KIFAP3: variants seen among roughly 807,000 people sequenced by gnomAD.
KIFAP3 encodes kinesin-associated protein 3.
KIFAP3 carries 68 observed loss-of-function variants against 106.5 expected under a neutral mutation model. The observed-to-expected ratio is 0.64, with a 90% CI of 0.53 to 0.78. KIFAP3 has a LOEUF of 0.78. Among genes scored for constraint, KIFAP3 ranks in the 30% least tolerant of loss-of-function variants. The pLI is 0.00. For missense variants in KIFAP3, 780 were observed against 941.8 expected (o/e 0.83, Z 2.25); for synonymous variants, 320 against 311.5 (o/e 1.03, Z -0.29).
chr1:170,081,664 C>G (rs556807164), intron 1 of KIFAP3, among the ~76,000 whole-genome samples: 1 of 152,314 alleles, frequency 6.6e-6, no homozygotes, highest in East Asian at 1.9e-4. Flanking sequence ...CTTCTCTTAT[C>G]ACATCTCTCT....
intron 19 of KIFAP3, among the ~76,000 whole-genome samples, chr1:169,930,098 A>G (rs1336392957): frequency 1.3e-5 from 2 of 152,152 alleles, no homozygotes; most frequent in African/African-American, 4.8e-5. Context: ...CCAGAGTAAT[A>G]TTTTAGTGAT....
At chr1:170,007,116 G>A (rs963718790) in intron 10 of KIFAP3, among the ~76,000 whole-genome samples, 1 of 152,122 alleles carries the variant, frequency 6.6e-6, no homozygotes, top group Admixed American at 6.6e-5. Context: ...AGTAATATGA[G>A]TACTAGGAAT....
At chr1:170,053,436 C>T (rs1382886671) in intron 2 of KIFAP3, among the ~76,000 whole-genome samples, 2 of 152,010 alleles carry the variant, frequency 1.3e-5, no homozygotes, top group African/African-American at 4.8e-5. Context: ...GATGCTATTC[C>T]CATCAAGCTA....
chr1:170,038,033 A>G (rs113736622), intron 5 of KIFAP3, among the ~76,000 whole-genome samples: 7 of 152,334 alleles, frequency 4.6e-5, no homozygotes, highest in African/African-American at 1.7e-4. Flanking sequence ...GTTTGATCTT[A>G]TATCCTACTT....
At chr1:170,061,674 A>G (rs1214260121) in intron 1 of KIFAP3, among the ~76,000 whole-genome samples, 2 of 152,202 alleles carry the variant, frequency 1.3e-5, no homozygotes, top group East Asian at 1.9e-4. Context: ...TATATACACA[A>G]AGGATTATAA....
At chr1:170,024,716 A>G (rs1669022580) in intron 8 of KIFAP3, 120 bp from the exon 9 acceptor site, 2 of 526,496 alleles carry the variant, frequency 3.8e-6, no homozygotes, top group African/African-American at 2.0e-5. Flanking sequence ...ATTATTTTGA[A>G]AATTTTAACT....
At chr1:170,041,528 C>CA in intron 3 of KIFAP3, 1 of 566,146 alleles carries the variant, frequency 1.8e-6, no homozygotes, top group South Asian at 2.4e-5. Context: ...GTGGTGAACT[C>CA]ATAAAGGGAT....
At chr1:170,064,803 ATAC>A in intron 1 of KIFAP3, among the ~76,000 whole-genome samples, 1 of 152,262 alleles carries the variant, frequency 6.6e-6, no homozygotes, top group Non-Finnish European at 1.5e-5. Context: ...ATTCATAAAT[ATAC>A]TACATCAAAT....
intron 19 of KIFAP3, among the ~76,000 whole-genome samples, chr1:169,941,455 T>C (rs1444323754): frequency 6.6e-6 from 1 of 152,224 alleles, no homozygotes; most frequent in Non-Finnish European, 1.5e-5. Flanking sequence ...GGTAGTTGTC[T>C]AAATCAATAA....
chr1:169,923,704 A>G (rs1351068386), intron 19 of KIFAP3, among the ~76,000 whole-genome samples: 1 of 152,202 alleles, frequency 6.6e-6, no homozygotes, highest in Non-Finnish European at 1.5e-5. Flanking sequence ...GAAACATGCA[A>G]AGGCACCTTC....
intron 5 of KIFAP3, among the ~76,000 whole-genome samples, chr1:170,037,209 A>G (rs1669735165): frequency 6.6e-6 from 1 of 152,234 alleles, no homozygotes; most frequent in African/African-American, 2.4e-5. Context: ...TAAGTTTTCA[A>G]GAATTATCTA....
intron 17 of KIFAP3, among the ~76,000 whole-genome samples, chr1:169,971,151 T>A (rs1424429780): frequency 6.6e-6 from 1 of 152,032 alleles, no homozygotes; most frequent in Non-Finnish European, 1.5e-5. Context: ...ATCTAAACAT[T>A]ATCTTCTAGT....
At chr1:170,021,764 C>G (rs1668840716) in intron 9 of KIFAP3, among the ~76,000 whole-genome samples, 2 of 151,558 alleles carry the variant, frequency 1.3e-5, no homozygotes, top group South Asian at 4.2e-4. Context: ...ATTTCTATTG[C>G]ACAGAATAGA....
chr1:169,948,250 C>T (rs977451276), intron 19 of KIFAP3, among the ~76,000 whole-genome samples: 3 of 151,710 alleles, frequency 2.0e-5, no homozygotes, highest in Admixed American at 6.6e-5. Context: ...GGTATTAGCA[C>T]TAGAAATTAT....
intron 14 of KIFAP3, among the ~76,000 whole-genome samples, chr1:169,982,446 A>C (rs1484710051): frequency 6.6e-6 from 1 of 152,114 alleles, no homozygotes; most frequent in East Asian, 1.9e-4. Context: ...AAAGAGACAG[A>C]ATAAAAAAAT....
intron 10 of KIFAP3, among the ~76,000 whole-genome samples, chr1:170,010,499 G>A (rs1668187994): frequency 6.6e-6 from 1 of 151,900 alleles, no homozygotes; most frequent in African/African-American, 2.4e-5. Context: ...AAAAAGGGCT[G>A]AGCTATAACA....
chr1:170,083,607 A>C (rs1386094168), intron 1 of KIFAP3, among the ~76,000 whole-genome samples: 1 of 152,200 alleles, frequency 6.6e-6, no homozygotes, highest in East Asian at 1.9e-4. Context: ...AATTTGTACC[A>C]GTGTATTTAT....
chr1:169,944,713 G>A (rs1194945367), intron 19 of KIFAP3, among the ~76,000 whole-genome samples: 3 of 152,040 alleles, frequency 2.0e-5, no homozygotes, highest in Admixed American at 6.6e-5. Context: ...TTCTGCAGGC[G>A]GCCTGATGAG....
intron 10 of KIFAP3, among the ~76,000 whole-genome samples, chr1:170,007,870 A>C (rs1668050600): frequency 6.6e-6 from 1 of 152,192 alleles, no homozygotes; most frequent in Non-Finnish European, 1.5e-5. Flanking sequence ...TTCAAACTAT[A>C]CTACAAGGCT....
Sources: allele counts gnomAD v4.1 joint callset (sites outside exome capture counted in the v4.1 genomes callset), GRCh38; gene constraint gnomAD v4.1.1; transcripts MANE v1.5; gene names NCBI Gene and HGNC (gene_info 2026-07-23, HGNC 2026-07-21).